Variants in RBPJ observed in about 807,000 individuals in gnomAD.
RBPJ encodes recombining binding protein suppressor of hairless.
In RBPJ, 9 loss-of-function variants were observed where a neutral mutation model predicts 67.8. That is an observed-to-expected ratio of 0.13 (90% CI 0.08 to 0.23). The LOEUF (loss-of-function observed/expected upper bound fraction) is 0.23. Among genes scored for constraint, RBPJ ranks in the 10% least tolerant of loss-of-function variants. The pLI is 1.00. For missense variants in RBPJ, 305 were observed against 595.6 expected (o/e 0.51, Z 5.08); for synonymous variants, 198 against 203.3 (o/e 0.97, Z 0.22).
rs1014125791 is a variant in RBPJ, at chr4:26,428,988, C to A, written c.888+128C>A. ...CATGAAGCTATACACAGATATTTAT[C>A]TCAGGTATGAGCATCCTTAACACAC... On this transcript the variant is annotated intron_variant, in intron 8 of 10. Coordinates refer to ENST00000355476, the MANE Select transcript of RBPJ (RefSeq NM_015874.6). 1.8e-4 allele frequency: 120 copies of A among 678,664 alleles called. 1 individual carries two copies. The highest frequency in any genetic ancestry group is 3.0e-4 in the Non-Finnish European group (118 of 398,584). The allele number at this position is 678,664 out of a possible 1,614,324, so 42.0% of individuals were successfully genotyped here. A position where few individuals can be genotyped will look rare whatever the true frequency, so the allele number is the denominator to read the frequency against.
At chr4:26,373,325 T>G (rs1036122374) in intron 1 of RBPJ, among the ~76,000 whole-genome samples, 18 of 152,336 alleles carry the variant, frequency 1.2e-4, no homozygotes, top group African/African-American at 3.8e-4. Flanking sequence ...CATCTTTAAT[T>G]TTTTCCTTAG....
intron 1 of RBPJ, among the ~76,000 whole-genome samples, chr4:26,177,691 C>G (rs1011437518): frequency 3.9e-5 from 6 of 152,192 alleles, no homozygotes; most frequent in African/African-American, 1.2e-4. Flanking sequence ...TCCATCACCA[C>G]TAAGAAAGTC....
intron 1 of RBPJ, among the ~76,000 whole-genome samples, chr4:26,190,226 C>T (rs1235064684): frequency 6.6e-6 from 1 of 152,198 alleles, no homozygotes; most frequent in Admixed American, 6.5e-5. Context: ...CTTTTGAGAG[C>T]AGTGCTGGTT....
At chr4:26,297,973 A>G (rs1488185798) in intron 1 of RBPJ, among the ~76,000 whole-genome samples, 8 of 152,186 alleles carry the variant, frequency 5.3e-5, no homozygotes. Context: ...GAAGGGAGGT[A>G]CTATTTTAAA....
intron 1 of RBPJ, among the ~76,000 whole-genome samples, chr4:26,341,089 C>T (rs987927159): frequency 2.0e-5 from 3 of 151,788 alleles, no homozygotes; most frequent in Admixed American, 1.3e-4. Context: ...GTAGTTAAAG[C>T]CATAATCATC....
chr4:26,127,293 G>A, the RBPJ span, among the ~76,000 whole-genome samples: 1 of 152,190 alleles, frequency 6.6e-6, no homozygotes, highest in Non-Finnish European at 1.5e-5. Flanking sequence ...CGTTGCTGCT[G>A]CTCATTGCTA....
At chr4:26,407,897 T>C (rs903333099) in intron 3 of RBPJ, among the ~76,000 whole-genome samples, 1 of 134,960 alleles carries the variant, frequency 7.4e-6, no homozygotes, top group African/African-American at 2.9e-5. Context: ...TTTTTTTTTT[T>C]TTTTTTTTTT....
At chr4:26,369,812 CT>C (rs1255181510) in intron 1 of RBPJ, among the ~76,000 whole-genome samples, 1 of 151,898 alleles carries the variant, frequency 6.6e-6, no homozygotes, top group East Asian at 1.9e-4. Context: ...TTTTTTTTCA[CT>C]GCTCTTTTGT....
intron 1 of RBPJ, among the ~76,000 whole-genome samples, chr4:26,238,331 G>A (rs148370913): frequency 2.6e-5 from 4 of 152,276 alleles, no homozygotes; most frequent in African/African-American, 9.6e-5. Flanking sequence ...CAAAGTGCTG[G>A]GATTACAGGC....
chr4:26,369,316 A>G (rs1006271533), intron 1 of RBPJ, among the ~76,000 whole-genome samples: 2 of 152,228 alleles, frequency 1.3e-5, no homozygotes, highest in Non-Finnish European at 2.9e-5. Flanking sequence ...AAGGCCAAGA[A>G]TATCTGAGTG....
chr4:26,189,556 G>A (rs1295692413), intron 1 of RBPJ, among the ~76,000 whole-genome samples: 1 of 152,100 alleles, frequency 6.6e-6, no homozygotes, highest in Non-Finnish European at 1.5e-5. Flanking sequence ...TACTTGAGAG[G>A]CTGAGGCAGG....
intron 1 of RBPJ, among the ~76,000 whole-genome samples, chr4:26,349,387 C>A (rs752192169): frequency 6.6e-6 from 1 of 152,178 alleles, no homozygotes; most frequent in Admixed American, 6.5e-5. Flanking sequence ...TCACATGTAG[C>A]TTTTAGTGAG....
chr4:26,188,052 CA>C (rs1717338497), intron 1 of RBPJ, among the ~76,000 whole-genome samples: 2 of 151,708 alleles, frequency 1.3e-5, no homozygotes, highest in Non-Finnish European at 2.9e-5. Flanking sequence ...AATAAAAATA[CA>C]AAAAAATTAG....
chr4:26,299,496 T>C (rs1191283649), intron 1 of RBPJ, among the ~76,000 whole-genome samples: 1 of 152,166 alleles, frequency 6.6e-6, no homozygotes, highest in African/African-American at 2.4e-5. Context: ...TGTGAACTAA[T>C]ATAGCATTTT....
intron 1 of RBPJ, among the ~76,000 whole-genome samples, chr4:26,291,434 A>G (rs1445208675): frequency 5.3e-5 from 8 of 151,044 alleles, no homozygotes; most frequent in Admixed American, 5.3e-4. Context: ...CAAGCTTCAG[A>G]GCAAGGGCAG....
At chr4:26,331,576 G>A (rs1041741821) in intron 1 of RBPJ, among the ~76,000 whole-genome samples, 4 of 152,114 alleles carry the variant, frequency 2.6e-5, no homozygotes, top group African/African-American at 9.7e-5. Flanking sequence ...TGGTCAGCTC[G>A]GAGCCTGCCT....
chr4:26,295,407 G>A (rs958519949), intron 1 of RBPJ, among the ~76,000 whole-genome samples: 10 of 152,120 alleles, frequency 6.6e-5, no homozygotes, highest in African/African-American at 2.4e-4. Flanking sequence ...AGTAGTTGTT[G>A]CAGTAGTAGT....
At chr4:26,379,336 AC>A (rs1730083979) in intron 1 of RBPJ, among the ~76,000 whole-genome samples, 1 of 152,114 alleles carries the variant, frequency 6.6e-6, no homozygotes, top group Admixed American at 6.6e-5. Context: ...AGTAGCTAGG[AC>A]CACAGGTGTG....
the RBPJ span, chr4:26,112,096 C>G: frequency 6.5e-6 from 1 of 153,074 alleles, no homozygotes; most frequent in Non-Finnish European, 1.5e-5. Context: ...CAGTACCACC[C>G]AGAAAGGAAC....
Sources: allele counts gnomAD v4.1 joint callset (sites outside exome capture counted in the v4.1 genomes callset), GRCh38; gene constraint gnomAD v4.1.1; transcripts MANE v1.5; gene names NCBI Gene and HGNC (gene_info 2026-07-23, HGNC 2026-07-21).